TMEM108: variants seen among roughly 807,000 people sequenced by gnomAD.
TMEM108 encodes cancer/testis antigen 124.
TMEM108 carries 12 observed loss-of-function variants against 35.1 expected under a neutral mutation model. That is an observed-to-expected ratio of 0.34 (90% CI 0.22 to 0.55). The LOEUF is 0.55. TMEM108 is among the 20% of genes least tolerant of loss of function. The probability of loss-of-function intolerance (pLI) is 0.89; values close to 1 mark genes in which losing one functional copy is unlikely to be tolerated. For missense variants in TMEM108, 680 were observed against 753.3 expected (o/e 0.90, Z 1.14); for synonymous variants, 287 against 308.6 (o/e 0.93, Z 0.73).
chr3:133,260,153 GTCT>G (rs1384462706), intron 3 of TMEM108, among the ~76,000 whole-genome samples: 2 of 152,002 alleles, frequency 1.3e-5, no homozygotes, highest in African/African-American at 2.4e-5. Flanking sequence ...GACTGTTTGG[GTCT>G]TCTTTTCATT....
intron 2 of TMEM108, among the ~76,000 whole-genome samples, chr3:133,206,245 T>C (rs528607090): frequency 4.5e-4 from 68 of 152,348 alleles, no homozygotes; most frequent in African/African-American, 1.6e-3. Context: ...GGTTAGAACA[T>C]GCTCCTTTAG....
intron 2 of TMEM108, among the ~76,000 whole-genome samples, chr3:133,188,136 G>A (rs749189664): frequency 1.5e-4 from 23 of 152,118 alleles, no homozygotes; most frequent in Non-Finnish European, 2.8e-4. Context: ...AGTTAAAAAG[G>A]GAATTTATAG....
chr3:133,323,170 C>T (rs2071287645), intron 3 of TMEM108, among the ~76,000 whole-genome samples: 1 of 152,096 alleles, frequency 6.6e-6, no homozygotes, highest in Non-Finnish European at 1.5e-5. Flanking sequence ...AGCAATCAGA[C>T]AAGAGAAAGA....
intron 2 of TMEM108, among the ~76,000 whole-genome samples, chr3:133,073,394 T>G (rs1223651385): frequency 6.6e-6 from 1 of 151,064 alleles, no homozygotes; most frequent in Non-Finnish European, 1.5e-5. Flanking sequence ...TTTCCGTGCC[T>G]GGCTTATTTC....
chr3:133,147,487 T>A (rs1210643152), intron 2 of TMEM108, among the ~76,000 whole-genome samples: 2 of 152,244 alleles, frequency 1.3e-5, no homozygotes, highest in East Asian at 3.8e-4. Flanking sequence ...TAATGATTAG[T>A]AATGTTGAGC....
intron 2 of TMEM108, among the ~76,000 whole-genome samples, chr3:133,130,653 A>G (rs1381405661): frequency 1.3e-5 from 2 of 152,240 alleles, no homozygotes; most frequent in Non-Finnish European, 2.9e-5. Flanking sequence ...TACAAAGGCC[A>G]CTTAGGTTCC....
intron 3 of TMEM108, chr3:133,378,219 T>G: frequency 8.2e-6 from 4 of 488,148 alleles, no homozygotes; most frequent in Non-Finnish European, 1.1e-5. Context: ...TCCCCACCAA[T>G]TTAGAAGTGC....
At chr3:133,161,217 A>C (rs1322528896) in intron 2 of TMEM108, among the ~76,000 whole-genome samples, 1 of 152,140 alleles carries the variant, frequency 6.6e-6, no homozygotes, top group African/African-American at 2.4e-5. Flanking sequence ...TTGCATTGGT[A>C]CTTGTGTACA....
chr3:133,243,693 T>G (rs1481157018), intron 3 of TMEM108, among the ~76,000 whole-genome samples: 1 of 152,156 alleles, frequency 6.6e-6, no homozygotes, highest in Non-Finnish European at 1.5e-5. Context: ...GCTAATTTTT[T>G]GTACTTTTTT....
intron 2 of TMEM108, among the ~76,000 whole-genome samples, chr3:133,207,149 G>A (rs4306857): frequency 0.35 from 53,855 of 151,974 alleles, 9,750 homozygotes; most frequent in East Asian, 0.47. Flanking sequence ...CTGGTGTTGC[G>A]AAGACCATGG....
At chr3:133,394,875 C>G (rs1229768400) in intron 5 of TMEM108, among the ~76,000 whole-genome samples, 1 of 152,196 alleles carries the variant, frequency 6.6e-6, no homozygotes, top group East Asian at 1.9e-4. Context: ...AAATAAACTT[C>G]AGAGAATTAA....
In TMEM108 at chr3:133,380,490, G is replaced by A; in HGVS notation, c.779G>A (p.Ser260Asn). 1.2e-6 allele frequency: 2 copies of A among 1,613,932 alleles called. No individual in the cohort carries two copies. The highest frequency in any genetic ancestry group is 1.7e-6 in the Non-Finnish European group (2 of 1,179,958). The change falls in exon 4 of 6, where the codon AGC becomes AAC. Residue 260 changes from serine to asparagine, a missense_variant. By Grantham distance (46) the Ser-to-Asn change is conservative. This residue lies in a region of TMEM108 where 526 missense variants were observed against 532.1 expected (regional missense o/e 0.99). Transcript: ENST00000321871. This position sits in a 1 kb window ranked among gnomAD's most constrained non-coding sequence, Gnocchi z 5.3. ...PQTVAATTVP[S>N]NTSWAPTTTS... is the part of the protein sequence containing the mutation. ...ACAGTGGCTGCGACCACAGTGCCCAGCAATACCTCATGGGCACCCACCACC... is the reference window on the plus strand; with the variant it reads ...ACAGTGGCTGCGACCACAGTGCCCAACAATACCTCATGGGCACCCACCACC...
intron 3 of TMEM108, among the ~76,000 whole-genome samples, chr3:133,377,264 T>C (rs1044734097): frequency 1.8e-4 from 28 of 152,310 alleles, no homozygotes; most frequent in Non-Finnish European, 3.4e-4. Context: ...TTAACACTTG[T>C]GAGCTAAACA....
chr3:133,355,585 T>G (rs2072139406), intron 3 of TMEM108, among the ~76,000 whole-genome samples: 1 of 152,220 alleles, frequency 6.6e-6, no homozygotes, highest in African/African-American at 2.4e-5. Flanking sequence ...AATTTGATAT[T>G]CATGGAACAA....
chr3:133,067,398 C>T (rs1576300965), intron 2 of TMEM108, among the ~76,000 whole-genome samples: 1 of 152,270 alleles, frequency 6.6e-6, no homozygotes, highest in Non-Finnish European at 1.5e-5. Flanking sequence ...TATATATATC[C>T]TGCTCATCTT....
chr3:133,167,748 A>G (rs62280317), intron 2 of TMEM108, among the ~76,000 whole-genome samples: 1 of 152,070 alleles, frequency 6.6e-6, no homozygotes, highest in Non-Finnish European at 1.5e-5. Flanking sequence ...CACCGCATGC[A>G]GCCCCAGTTC....
intron 3 of TMEM108, among the ~76,000 whole-genome samples, chr3:133,232,347 G>C (rs903347063): frequency 2.0e-5 from 3 of 152,018 alleles, no homozygotes; most frequent in Non-Finnish European, 4.4e-5. Flanking sequence ...GAAAGAATCT[G>C]GCACCTCCCT....
chr3:133,073,510 C>CTCTCTCTCTCTCTCTCTATATATATA, intron 2 of TMEM108, among the ~76,000 whole-genome samples: 16 of 43,896 alleles, frequency 3.6e-4, no homozygotes, highest in African/African-American at 1.2e-3. Context: ...CTCTCTCTCT[C>CTCTCTCTCTCTCTCTCTATATATATA]TATATATATA....
chr3:133,132,130 G>A (rs928495128), intron 2 of TMEM108, among the ~76,000 whole-genome samples: 1 of 152,172 alleles, frequency 6.6e-6, no homozygotes, highest in Non-Finnish European at 1.5e-5. Context: ...ACCAAGTGAC[G>A]CAGCAAGTGC....
Sources: allele counts gnomAD v4.1 joint callset (sites outside exome capture counted in the v4.1 genomes callset), GRCh38; gene constraint gnomAD v4.1.1; regional missense constraint gnomAD v4.1.1; non-coding constraint Gnocchi (gnomAD v3.1); transcripts MANE v1.5; gene names NCBI Gene and HGNC (gene_info 2026-07-23, HGNC 2026-07-21).